The following TENM4 variants were observed in gnomAD, a reference collection of about 807,000 sequenced individuals.
The protein encoded by TENM4 is teneurin-4.
Under a neutral mutation model 243.3 loss-of-function variants are expected in TENM4, and 82 were observed. The ratio of observed to expected loss-of-function variants is 0.34; its 90% CI spans 0.28 to 0.40. The LOEUF is 0.40. Among genes scored for constraint, TENM4 ranks in the 10% least tolerant of loss-of-function variants. The pLI, the probability that TENM4 is intolerant of heterozygous loss-of-function variation, is 1.00. For synonymous variants in TENM4, 1,412 were observed against 1,456.3 expected (o/e 0.97, Z 0.69); for missense variants, 3,138 against 3,673.3 (o/e 0.85, Z 3.77).
intron 6 of TENM4, among the ~76,000 whole-genome samples, chr11:79,030,733 A>T (rs925753646): frequency 1.3e-5 from 2 of 152,150 alleles, no homozygotes; most frequent in South Asian, 4.2e-4. Flanking sequence ...TGCCCAGCCC[A>T]GCCGACTCCT....
At chr11:78,765,140 GT>G (rs1856517300) in intron 18 of TENM4, among the ~76,000 whole-genome samples, 1 of 152,198 alleles carries the variant, frequency 6.6e-6, no homozygotes. Context: ...CCACAGAACT[GT>G]TTTACAATAG....
At chr11:79,338,234 G>A (rs549671668) in intron 1 of TENM4, among the ~76,000 whole-genome samples, 1 of 152,326 alleles carries the variant, frequency 6.6e-6, no homozygotes, top group African/African-American at 2.4e-5. Flanking sequence ...AAAAACCAGG[G>A]AGGTTTGCAT....
At chr11:79,095,842 C>A (rs1469660774) in intron 4 of TENM4, among the ~76,000 whole-genome samples, 4 of 152,174 alleles carry the variant, frequency 2.6e-5, no homozygotes, top group African/African-American at 9.7e-5. Context: ...GGAGTTAATG[C>A]CTCACAGATA....
At chr11:78,935,433 A>G (rs186719394) in intron 6 of TENM4, among the ~76,000 whole-genome samples, 21 of 152,324 alleles carry the variant, frequency 1.4e-4, no homozygotes, top group Admixed American at 4.6e-4. Context: ...CTTTACTCCA[A>G]TAACTTATGA....
chr11:79,400,091 A>AAC (rs1380303882), intron 1 of TENM4, among the ~76,000 whole-genome samples: 2 of 124,854 alleles, frequency 1.6e-5, no homozygotes, highest in South Asian at 2.7e-4. Context: ...GAGACACATA[A>AAC]ACACACACCA....
intron 4 of TENM4, among the ~76,000 whole-genome samples, chr11:79,111,552 A>G (rs1861508300): frequency 6.6e-6 from 1 of 152,146 alleles, no homozygotes; most frequent in Non-Finnish European, 1.5e-5. Context: ...CTCAACAACA[A>G]CAACAACAAC....
intron 12 of TENM4, 77 bp from the exon 13 acceptor site, chr11:78,814,472 G>A (rs1024607995): frequency 7.8e-7 from 1 of 1,285,036 alleles, no homozygotes; most frequent in Non-Finnish European, 1.1e-6. Flanking sequence ...CAAGCTTTAG[G>A]TTAGCCAAGA....
In TENM4 at chr11:79,192,122, C is replaced by T. The variant is rs549563689; in HGVS notation, c.-163+23686G>A. On this transcript the variant is annotated intron_variant, in intron 3 of 33. Transcript: ENST00000278550. The stretch of plus-strand genomic sequence containing the variant: ...GGGGTCAGCCCCCCGCCCGGCCAGC[C>T]GCCCCGTCCGGGAGGGAGGTGGGGG... Among the ~76,000 whole-genome samples, 584 of 150,724 alleles carry T rather than the reference C, an allele frequency of 3.9e-3. 8 individuals are homozygous for T. Among genetic ancestry groups the T allele is most frequent in the South Asian group, 0.037 (176 of 4,702 alleles).
chr11:79,265,284 C>T (rs933270402), intron 2 of TENM4, among the ~76,000 whole-genome samples: 4 of 152,150 alleles, frequency 2.6e-5, no homozygotes, highest in South Asian at 4.1e-4. Flanking sequence ...TCGGACATTC[C>T]TTGGTTCTTC....
At chr11:79,175,280 A>G (rs1038322094) in intron 3 of TENM4, among the ~76,000 whole-genome samples, 2 of 152,196 alleles carry the variant, frequency 1.3e-5, no homozygotes, top group African/African-American at 4.8e-5. Context: ...TTTATATAAA[A>G]TTTTTTCCAC....
chr11:79,202,416 T>C (rs1412637145), intron 3 of TENM4, among the ~76,000 whole-genome samples: 2 of 152,198 alleles, frequency 1.3e-5, no homozygotes, highest in Non-Finnish European at 2.9e-5. Context: ...GTGCAGATGA[T>C]GTTTGTGATT....
intron 19 of TENM4, among the ~76,000 whole-genome samples, chr11:78,749,504 G>T (rs56138839): frequency 0.075 from 11,476 of 152,150 alleles, 642 homozygotes; most frequent in Non-Finnish European, 0.12. Flanking sequence ...GATCTCTGCT[G>T]CTCGCCCTCT....
chr11:78,974,290 T>C (rs550188492), intron 6 of TENM4, among the ~76,000 whole-genome samples: 1 of 152,312 alleles, frequency 6.6e-6, no homozygotes, highest in South Asian at 2.1e-4. Context: ...TAGTATTTAT[T>C]CTACATTTTA....
intron 6 of TENM4, among the ~76,000 whole-genome samples, chr11:78,997,969 G>A (rs1190318801): frequency 2.0e-5 from 3 of 152,170 alleles, no homozygotes. Context: ...ACCGAGGAAA[G>A]GCCATGTGAA....
chr11:78,848,149 C>G (rs1301147500), intron 12 of TENM4, among the ~76,000 whole-genome samples: 2 of 151,304 alleles, frequency 1.3e-5, no homozygotes, highest in Non-Finnish European at 2.9e-5. Context: ...CCTTCCCTCC[C>G]TCCTTTTTTT....
chr11:78,777,683 T>A (rs1591016149), intron 17 of TENM4, among the ~76,000 whole-genome samples: 1 of 152,252 alleles, frequency 6.6e-6, no homozygotes, highest in African/African-American at 2.4e-5. Context: ...GTCACTTAGT[T>A]CCCTGAGTGT....
chr11:79,023,422 C>G (rs1201609333), intron 6 of TENM4, among the ~76,000 whole-genome samples: 1 of 151,858 alleles, frequency 6.6e-6, no homozygotes. Context: ...ATTAGCCGGG[C>G]GCAGTGGTGT....
chr11:78,883,251 C>T (rs1855474304), intron 9 of TENM4, among the ~76,000 whole-genome samples: 1 of 148,376 alleles, frequency 6.7e-6, no homozygotes, highest in Admixed American at 6.6e-5. Flanking sequence ...ATTATTCCTC[C>T]CACTTTGCGT....
intron 1 of TENM4, among the ~76,000 whole-genome samples, chr11:79,355,897 T>C (rs1857489342): frequency 6.6e-6 from 1 of 152,162 alleles, no homozygotes; most frequent in African/African-American, 2.4e-5. Flanking sequence ...AATACAGTAT[T>C]TGTCAAGATA....
Sources: gnomAD v4.1 joint callset for allele counts (sites outside exome capture counted in the v4.1 genomes callset) on GRCh38, gnomAD v4.1.1 for gene constraint, MANE v1.5 for transcripts, NCBI Gene and HGNC (gene_info 2026-07-23, HGNC 2026-07-21) for gene names.